WDR7: variants seen among roughly 807,000 people sequenced by gnomAD.
The protein encoded by WDR7 is WD repeat domain 7, also known as WD repeat-containing protein 7.
Under a neutral mutation model 169.4 loss-of-function variants are expected in WDR7, and 46 were observed. The observed-to-expected ratio is 0.27, with a 90% CI of 0.21 to 0.35. The LOEUF (loss-of-function observed/expected upper bound fraction) is 0.35. Ranked by LOEUF, WDR7 falls within the 10% of genes least tolerant of loss-of-function variation. The probability of loss-of-function intolerance (pLI) is 1.00; values close to 1 mark genes in which losing one functional copy is unlikely to be tolerated. For missense variants in WDR7, 1,534 were observed against 1,859.3 expected (o/e 0.83, Z 3.22); for synonymous variants, 612 against 666.8 (o/e 0.92, Z 1.27).
chr18:56,971,278 TC>T (rs1470060074), intron 26 of WDR7, among the ~76,000 whole-genome samples: 1 of 116,204 alleles, frequency 8.6e-6, no homozygotes, highest in African/African-American at 3.5e-5. Context: ...AAATTCTGTC[TC>T]CCAAAAAAAA....
In WDR7 at chr18:56,951,102, G is replaced by A. The variant is rs553061087; in HGVS notation, c.4065-11328G>A. ...TTGACGAAGCCAGCTTGGTCTCACC[G>A]TTCAGGTCAACCTCCTCTGACCTCC... On this transcript the variant is annotated intron_variant, in intron 25 of 27. Coordinates refer to ENST00000254442, the MANE Select transcript of WDR7 (RefSeq NM_015285.3). 9.9e-5 allele frequency among the ~76,000 whole-genome samples: 15 copies of A among 152,214 alleles called. No individual in the cohort carries two copies. The East Asian group carries it at 2.1e-3, about 22-fold the overall frequency.
At chr18:57,030,951 T>C (rs2048438508), downstream of WDR7, 1 of 152,178 alleles carries the variant, frequency 6.6e-6, no homozygotes, top group Non-Finnish European at 1.5e-5. Flanking sequence ...AAGCTCACAA[T>C]TGTGTGACCA....
intron 26 of WDR7, among the ~76,000 whole-genome samples, chr18:57,020,006 T>G (rs924189747): frequency 6.6e-6 from 1 of 152,234 alleles, no homozygotes; most frequent in Non-Finnish European, 1.5e-5. Context: ...ATTAATATCA[T>G]CAGACTTGAG....
At chr18:56,764,964 CT>C (rs2044038469) in intron 16 of WDR7, among the ~76,000 whole-genome samples, 1 of 152,014 alleles carries the variant, frequency 6.6e-6, no homozygotes, top group Admixed American at 6.5e-5. Context: ...TTTATTTCTT[CT>C]TGATTATTTG....
At chr18:57,013,490 T>C (rs894095760) in intron 26 of WDR7, among the ~76,000 whole-genome samples, 7 of 152,230 alleles carry the variant, frequency 4.6e-5, no homozygotes. Context: ...TATTACGTTA[T>C]ATGATGCAAT....
chr18:56,991,121 A>T (rs2957104), intron 26 of WDR7, among the ~76,000 whole-genome samples: 92,927 of 148,906 alleles, frequency 0.62, 29,552 homozygotes, highest in Middle Eastern at 0.74. Flanking sequence ...ACCTCTTACT[A>T]GCTACCGTAC....
intron 26 of WDR7, among the ~76,000 whole-genome samples, chr18:56,998,537 C>T (rs543611658): frequency 6.6e-6 from 1 of 152,296 alleles, no homozygotes; most frequent in East Asian, 1.9e-4. Flanking sequence ...AATCGTTTAA[C>T]TTCTGTACTT....
chr18:56,734,412 A>T (rs189216252), intron 14 of WDR7, among the ~76,000 whole-genome samples: 1 of 151,808 alleles, frequency 6.6e-6, no homozygotes, highest in Non-Finnish European at 1.5e-5. Context: ...CCTACATCAC[A>T]TCATGCTGGT....
chr18:56,677,620 A>G (rs576346), intron 2 of WDR7, among the ~76,000 whole-genome samples: 139,700 of 152,186 alleles, frequency 0.92, 65,288 homozygotes, highest in East Asian at 1. Flanking sequence ...CAGAGTGCTG[A>G]GATTTTAGGC....
chr18:56,812,322 A>G (rs1372567413), intron 19 of WDR7, among the ~76,000 whole-genome samples: 1 of 152,068 alleles, frequency 6.6e-6, no homozygotes, highest in African/African-American at 2.4e-5. Context: ...TTTTTTTCTT[A>G]TATTTTGCAG....
At chr18:57,003,477 G>T (rs2145892820) in intron 26 of WDR7, among the ~76,000 whole-genome samples, 1 of 152,056 alleles carries the variant, frequency 6.6e-6, no homozygotes, top group South Asian at 2.1e-4. Context: ...CAGAGAGAGT[G>T]ATCTAGTTAT....
At chr18:56,813,242 T>C (rs1213872534) in intron 19 of WDR7, among the ~76,000 whole-genome samples, 1 of 152,020 alleles carries the variant, frequency 6.6e-6, no homozygotes, top group Non-Finnish European at 1.5e-5. Flanking sequence ...CATCGTTCTT[T>C]CTAAAATGTG....
intron 26 of WDR7, among the ~76,000 whole-genome samples, chr18:56,989,826 C>CT (rs2047784490): frequency 6.6e-6 from 1 of 152,038 alleles, no homozygotes; most frequent in South Asian, 2.1e-4. Flanking sequence ...TTATTTAAAC[C>CT]TTGACTGCTC....
chr18:56,908,010 A>C (rs1050325508), intron 21 of WDR7, among the ~76,000 whole-genome samples: 3 of 152,056 alleles, frequency 2.0e-5, no homozygotes, highest in African/African-American at 7.2e-5. Context: ...TGAGGGTGGG[A>C]GTGTATTCTC....
At chr18:56,811,296 G>A (rs2044864597) in intron 19 of WDR7, among the ~76,000 whole-genome samples, 1 of 152,074 alleles carries the variant, frequency 6.6e-6, no homozygotes, top group African/African-American at 2.4e-5. Context: ...TAAAATTGCT[G>A]GGTCACATGG....
At position 56,682,857 on chromosome 18, in the gene WDR7, A is replaced by G; in HGVS notation, c.520+4A>G. Reference sequence around the variant, plus strand: ...ATTCGATCCCACCGAACACAAGGTCAGTGTATTATGCCTGTTAGGAGCTTT... The same window carrying G: ...ATTCGATCCCACCGAACACAAGGTCGGTGTATTATGCCTGTTAGGAGCTTT... On this transcript the variant is annotated splice_donor_region_variant and intron_variant, in intron 5 of 27. Transcript: ENST00000254442. 1.2e-6 allele frequency: 2 copies of G among 1,613,072 alleles called. No homozygotes were observed. Among genetic ancestry groups the G allele is most frequent in the South Asian group, 1.1e-5 (1 of 90,912 alleles).
rs573029439 is a variant in WDR7, at chr18:56,768,987, C to T, written c.2849-7795C>T. ...GCACTTCATTGGAAAATAGTATCTTCACAAGAGGTTTATTTTGCCTAACAG... is the reference window on the plus strand; with the variant it reads ...GCACTTCATTGGAAAATAGTATCTTTACAAGAGGTTTATTTTGCCTAACAG... On this transcript the variant is annotated intron_variant, in intron 16 of 27. Coordinates refer to ENST00000254442, the MANE Select transcript of WDR7 (RefSeq NM_015285.3). Among the ~76,000 whole-genome samples the T allele has an allele frequency of 4.7e-4, 72 of 152,302 alleles. 2 individuals are homozygous for T. The highest frequency in any genetic ancestry group is 1.7e-3 in the African/African-American group (70 of 41,568).
intron 19 of WDR7, among the ~76,000 whole-genome samples, chr18:56,794,304 A>ATTTTTGTTTTTTTTTTT (rs2044543880): frequency 2.0e-5 from 1 of 49,466 alleles, no homozygotes; most frequent in Non-Finnish European, 3.8e-5. Context: ...GGTAAAGTCT[A>ATTTTTGTTTTTTTTTTT]TTTTTTTTTT....
intron 22 of WDR7, 70 bp downstream of exon 22, chr18:56,924,178 T>G: frequency 1.9e-6 from 3 of 1,557,488 alleles, no homozygotes; most frequent in Non-Finnish European, 2.6e-6. Context: ...GGTGGGTTTA[T>G]TGATCATTCT....
Sources: gnomAD v4.1 joint callset for allele counts (sites outside exome capture counted in the v4.1 genomes callset) on GRCh38, gnomAD v4.1.1 for gene constraint, MANE v1.5 for transcripts, NCBI Gene and HGNC (gene_info 2026-07-23, HGNC 2026-07-21) for gene names.